SV2C: variants seen among roughly 807,000 people sequenced by gnomAD.
SV2C encodes the protein synaptic vesicle glycoprotein 2C.
In SV2C, 49 loss-of-function variants were observed where a neutral mutation model predicts 79.7. The observed-to-expected ratio is 0.61, with a 90% confidence interval of 0.49 to 0.78. SV2C has a LOEUF of 0.78. Among genes scored for constraint, SV2C ranks in the 30% least tolerant of loss-of-function variants. The pLI is 0.00. For missense variants in SV2C, 833 were observed against 912.9 expected (o/e 0.91, Z 1.13); for synonymous variants, 334 against 333.2 (o/e 1.00, Z -0.03).
chr5:75,878,196 A>G, the SV2C span, among the ~76,000 whole-genome samples: 48 of 152,296 alleles, frequency 3.2e-4, no homozygotes, highest in African/African-American at 1.1e-3. Context: ...TGCTATGTAT[A>G]GTTGATATGA....
the SV2C span, among the ~76,000 whole-genome samples, chr5:75,945,965 T>C: frequency 3.9e-5 from 6 of 152,050 alleles, no homozygotes; most frequent in Non-Finnish European, 8.8e-5. Context: ...TAAATGCTTA[T>C]GTTAGAAAAA....
intron 2 of SV2C, among the ~76,000 whole-genome samples, chr5:76,162,243 G>T (rs1308793060): frequency 6.6e-6 from 1 of 152,176 alleles, no homozygotes; most frequent in Non-Finnish European, 1.5e-5. Flanking sequence ...TAACTCTTTA[G>T]CCCTAGTACA....
At chr5:76,104,466 C>A (rs1747844786) in intron 1 of SV2C, among the ~76,000 whole-genome samples, 1 of 152,138 alleles carries the variant, frequency 6.6e-6, no homozygotes, top group South Asian at 2.1e-4. Context: ...CACACAGCAG[C>A]CTCAAATTCC....
At chr5:76,293,156 G>C (rs936225352) in intron 8 of SV2C, among the ~76,000 whole-genome samples, 12 of 152,090 alleles carry the variant, frequency 7.9e-5, no homozygotes, top group African/African-American at 1.4e-4. Flanking sequence ...AATTAAGAGG[G>C]TTGACTTAGA....
intron 1 of SV2C, among the ~76,000 whole-genome samples, chr5:76,115,455 C>T (rs1748233574): frequency 6.6e-6 from 1 of 152,160 alleles, no homozygotes; most frequent in South Asian, 2.1e-4. Flanking sequence ...CAAGCACCTA[C>T]CAGGTACAAT....
intron 2 of SV2C, among the ~76,000 whole-genome samples, chr5:76,164,592 T>A (rs1742991997): frequency 6.6e-6 from 1 of 152,226 alleles, no homozygotes; most frequent in Non-Finnish European, 1.5e-5. Flanking sequence ...TTTGGTTTTC[T>A]TAATACCAAG....
At chr5:76,107,348 A>C (rs1747952239) in intron 1 of SV2C, among the ~76,000 whole-genome samples, 1 of 152,184 alleles carries the variant, frequency 6.6e-6, no homozygotes, top group African/African-American at 2.4e-5. Context: ...ATACCTGTTA[A>C]TACTTCTCTG....
At chr5:76,002,496 A>T in the SV2C span, among the ~76,000 whole-genome samples, 3 of 152,222 alleles carry the variant, frequency 2.0e-5, no homozygotes, top group East Asian at 5.8e-4. Context: ...GATTGTGTTG[A>T]TGGCTGCACA....
intron 2 of SV2C, among the ~76,000 whole-genome samples, chr5:76,181,426 T>C (rs530776079): frequency 6.6e-6 from 1 of 152,356 alleles, no homozygotes; most frequent in Admixed American, 6.5e-5. Flanking sequence ...TAGTCTGTTT[T>C]CACACTGCTA....
At chr5:76,261,627 A>G (rs185304037) in intron 4 of SV2C, among the ~76,000 whole-genome samples, 3 of 152,298 alleles carry the variant, frequency 2.0e-5, no homozygotes, top group African/African-American at 4.8e-5. Context: ...ACCAATACCT[A>G]GTTTATTGAG....
At chr5:76,191,259 C>G (rs542101446) in intron 2 of SV2C, among the ~76,000 whole-genome samples, 68 of 152,226 alleles carry the variant, frequency 4.5e-4, no homozygotes, top group African/African-American at 1.6e-3. Context: ...TAATCACCTC[C>G]CAGGTCCCAC....
the SV2C span, among the ~76,000 whole-genome samples, chr5:75,901,265 T>G: frequency 6.6e-6 from 1 of 152,206 alleles, no homozygotes; most frequent in African/African-American, 2.4e-5. Flanking sequence ...GGGTTTTTGG[T>G]GTGGATGTCC....
intron 4 of SV2C, among the ~76,000 whole-genome samples, chr5:76,251,479 A>G (rs1198474344): frequency 6.6e-6 from 1 of 152,130 alleles, no homozygotes; most frequent in African/African-American, 2.4e-5. Context: ...TGAGCCCAGG[A>G]GTTAGAGGCT....
chr5:75,991,875 C>G, the SV2C span, among the ~76,000 whole-genome samples: 40 of 151,648 alleles, frequency 2.6e-4, no homozygotes, highest in Admixed American at 7.9e-4. Context: ...TCTGCTTATT[C>G]TGGTGTTAGT....
At chr5:75,949,010 G>C in the SV2C span, among the ~76,000 whole-genome samples, 1 of 152,006 alleles carries the variant, frequency 6.6e-6, no homozygotes, top group Non-Finnish European at 1.5e-5. Context: ...GAGGTGTTTT[G>C]GTCATGGGGG....
At chr5:76,156,376 C>T (rs1742729376) in intron 2 of SV2C, among the ~76,000 whole-genome samples, 2 of 152,122 alleles carry the variant, frequency 1.3e-5, no homozygotes, top group Admixed American at 1.3e-4. Flanking sequence ...TCCAACTAAT[C>T]ACTAAAGAAA....
At chr5:75,992,007 A>G in the SV2C span, among the ~76,000 whole-genome samples, 46 of 151,624 alleles carry the variant, frequency 3.0e-4, no homozygotes, top group East Asian at 8.8e-3. Flanking sequence ...TTCCAGGCAA[A>G]TTTTAGAATC....
the SV2C span, among the ~76,000 whole-genome samples, chr5:76,007,154 G>A: frequency 4.4e-4 from 67 of 152,128 alleles, 1 homozygote; most frequent in African/African-American, 1.6e-3. Flanking sequence ...TAGAGTCTAT[G>A]CAGTGATTTT....
chr5:76,200,830 C>G (rs2112338752), intron 3 of SV2C, among the ~76,000 whole-genome samples: 1 of 152,226 alleles, frequency 6.6e-6, no homozygotes, highest in Middle Eastern at 3.4e-3. Context: ...TTTGTACAAA[C>G]AAGGTCTCCC....
Sources: gnomAD v4.1 joint callset for allele counts (sites outside exome capture counted in the v4.1 genomes callset) on GRCh38, gnomAD v4.1.1 for gene constraint, MANE v1.5 for transcripts, NCBI Gene and HGNC (gene_info 2026-07-23, HGNC 2026-07-21) for gene names.